The following TAFA1 variants were observed in gnomAD, a reference collection of about 807,000 sequenced individuals.
TAFA1 encodes the protein chemokine-like protein TAFA-1.
A neutral mutation model predicts 18.5 loss-of-function variants in TAFA1; 4 were observed. The ratio of observed to expected loss-of-function variants is 0.22; its 90% CI spans 0.11 to 0.49. The LOEUF (loss-of-function observed/expected upper bound fraction) is 0.49. TAFA1 is among the 20% of genes least tolerant of loss of function. The probability of loss-of-function intolerance (pLI) is 0.98; values close to 1 mark genes in which losing one functional copy is unlikely to be tolerated. For missense variants in TAFA1, 147 were observed against 169.0 expected (o/e 0.87, Z 0.72); for synonymous variants, 56 against 55.2 (o/e 1.01, Z -0.06).
chr3:68,092,564 G>A (rs541390136), intron 2 of TAFA1, among the ~76,000 whole-genome samples: 17 of 152,248 alleles, frequency 1.1e-4, no homozygotes, highest in African/African-American at 4.1e-4. Context: ...CAAGAAAATA[G>A]GAAGGAAAGT....
intron 3 of TAFA1, among the ~76,000 whole-genome samples, chr3:68,472,234 T>C: frequency 6.6e-6 from 1 of 152,106 alleles, no homozygotes; most frequent in East Asian, 1.9e-4. Flanking sequence ...ACTAAATAAG[T>C]CTCACAAGAT....
At chr3:68,310,102 A>C (rs772870038) in intron 2 of TAFA1, among the ~76,000 whole-genome samples, 2 of 152,240 alleles carry the variant, frequency 1.3e-5, no homozygotes, top group Non-Finnish European at 2.9e-5. Flanking sequence ...GTAATATAGT[A>C]GAATATGTAA....
At chr3:68,542,060 T>C (rs1230204811) in intron 4 of TAFA1, among the ~76,000 whole-genome samples, 1 of 152,126 alleles carries the variant, frequency 6.6e-6, no homozygotes, top group Non-Finnish European at 1.5e-5. Flanking sequence ...TGAGTGATAT[T>C]ATTACCCCAG....
intron 2 of TAFA1, among the ~76,000 whole-genome samples, chr3:68,053,939 A>G (rs2064502724): frequency 6.6e-6 from 1 of 152,082 alleles, no homozygotes; most frequent in African/African-American, 2.4e-5. Flanking sequence ...TTCCAGCCTC[A>G]AGTGATCCTC....
At position 68,288,748 on chromosome 3, in the gene TAFA1, T is replaced by C. The variant is rs532103673; in HGVS notation, c.119-128532T>C. Among the ~76,000 whole-genome samples, 58 of 152,344 alleles carry C rather than the reference T, an allele frequency of 3.8e-4. No homozygotes were observed. In the South Asian group the frequency reaches 0.012, roughly 30 times the overall value. On this transcript the variant is annotated intron_variant, in intron 2 of 4. Coordinates refer to ENST00000478136, the MANE Select transcript of TAFA1 (RefSeq NM_213609.4). ...TCCATCTGTATTAAATGCTACTGTA[T>C]GGGCAGATTCAATGACTTATTAATG...
chr3:68,292,621 G>C (rs935403683), intron 2 of TAFA1, among the ~76,000 whole-genome samples: 43 of 152,062 alleles, frequency 2.8e-4, no homozygotes, highest in African/African-American at 9.9e-4. Context: ...CGAATTCCTG[G>C]GCTCAAGTGA....
chr3:68,378,840 C>G (rs1040094666), intron 2 of TAFA1, among the ~76,000 whole-genome samples: 1 of 152,034 alleles, frequency 6.6e-6, no homozygotes, highest in African/African-American at 2.4e-5. Context: ...CTCTTTCACA[C>G]ACTCCTCTCT....
At chr3:68,378,334 T>C (rs1206975582) in intron 2 of TAFA1, among the ~76,000 whole-genome samples, 4 of 152,204 alleles carry the variant, frequency 2.6e-5, no homozygotes, top group Non-Finnish European at 4.4e-5. Flanking sequence ...CTTTAAGATT[T>C]AATGACTGCC....
intron 2 of TAFA1, among the ~76,000 whole-genome samples, chr3:68,025,919 C>G (rs1423060575): frequency 6.6e-6 from 1 of 152,162 alleles, no homozygotes; most frequent in Non-Finnish European, 1.5e-5. Context: ...ACTTACCAAA[C>G]TTGTCTCCCT....
At chr3:68,096,339 AC>A (rs2065086495) in intron 2 of TAFA1, among the ~76,000 whole-genome samples, 2 of 152,174 alleles carry the variant, frequency 1.3e-5, no homozygotes, top group Non-Finnish European at 2.9e-5. Context: ...ATTGGTGGAC[AC>A]TTAGGTTATT....
At chr3:68,074,929 A>T (rs1030128923) in intron 2 of TAFA1, among the ~76,000 whole-genome samples, 2 of 152,176 alleles carry the variant, frequency 1.3e-5, no homozygotes, top group African/African-American at 4.8e-5. Context: ...TTGCAACAAG[A>T]TGTTTCTGTT....
chr3:68,217,245 A>G (rs764123480), intron 2 of TAFA1, among the ~76,000 whole-genome samples: 4 of 151,938 alleles, frequency 2.6e-5, no homozygotes, highest in Non-Finnish European at 4.4e-5. Flanking sequence ...CCAACCTAAT[A>G]TTATCTACCC....
chr3:68,291,137 T>A (rs2068097322), intron 2 of TAFA1, among the ~76,000 whole-genome samples: 1 of 152,114 alleles, frequency 6.6e-6, no homozygotes. Flanking sequence ...TTATGAAGAT[T>A]TTTGGATCTG....
At chr3:68,167,352 C>T (rs2065994005) in intron 2 of TAFA1, among the ~76,000 whole-genome samples, 2 of 151,734 alleles carry the variant, frequency 1.3e-5, no homozygotes, top group Non-Finnish European at 1.5e-5. Flanking sequence ...CTGAGGCAGG[C>T]GGATCACGAG....
At chr3:68,236,390 T>C (rs2066927396) in intron 2 of TAFA1, among the ~76,000 whole-genome samples, 2 of 152,232 alleles carry the variant, frequency 1.3e-5, no homozygotes. Context: ...TGAATTACTA[T>C]CATTAGTGAG....
chr3:68,061,935 T>C (rs1289836818), intron 2 of TAFA1, among the ~76,000 whole-genome samples: 3 of 152,154 alleles, frequency 2.0e-5, no homozygotes, highest in African/African-American at 7.2e-5. Context: ...TTTCTTTTTA[T>C]TGGGAAATGT....
chr3:68,207,831 T>C (rs1559558914), intron 2 of TAFA1, among the ~76,000 whole-genome samples: 1 of 151,946 alleles, frequency 6.6e-6, no homozygotes, highest in Non-Finnish European at 1.5e-5. Context: ...GTTATTCCCA[T>C]TTTTTGAAAG....
rs191296861 is a variant in TAFA1 at position 68,351,522 on chromosome 3, A to G, written c.119-65758A>G. On this transcript the variant is annotated intron_variant, in intron 2 of 4. Coordinates refer to ENST00000478136, the MANE Select transcript of TAFA1 (RefSeq NM_213609.4). ...ACAAGAGAAAAATAAAAGTTTATTA[A>G]CATGTGTATTTTATATATTCATGGG... is the stretch of plus-strand genomic sequence containing the variant. Among the ~76,000 whole-genome samples, 6 of 152,216 alleles carry G rather than the reference A, an allele frequency of 3.9e-5. No individual in the cohort carries two copies. The East Asian group carries it at 1.2e-3, about 29-fold the overall frequency.
At chr3:68,184,404 G>T (rs989027121) in intron 2 of TAFA1, among the ~76,000 whole-genome samples, 47 of 152,100 alleles carry the variant, frequency 3.1e-4, no homozygotes, top group African/African-American at 1.1e-3. Flanking sequence ...TGGAAACACT[G>T]TGGCTAGAAG....
Sources: allele counts gnomAD v4.1 joint callset (sites outside exome capture counted in the v4.1 genomes callset), GRCh38; gene constraint gnomAD v4.1.1; transcripts MANE v1.5; gene names NCBI Gene and HGNC (gene_info 2026-07-23, HGNC 2026-07-21).